Variants in WDR59 observed in about 807,000 individuals in gnomAD.
WDR59 encodes WD repeat domain 59, also known as GATOR2 complex protein WDR59.
A neutral mutation model predicts 131.2 loss-of-function variants in WDR59; 100 were observed. The ratio of observed to expected loss-of-function variants is 0.76; its 90% CI spans 0.65 to 0.90. The LOEUF is 0.90. Ranked by LOEUF, WDR59 falls within the 40% of genes least tolerant of loss-of-function variation. WDR59 has a pLI of 0.00. For synonymous variants in WDR59, 601 were observed against 466.2 expected (o/e 1.29, Z -3.72); for missense variants, 1,203 against 1,262.2 (o/e 0.95, Z 0.71).
chr16:74,945,891 C>G (rs1411445377), intron 6 of WDR59, among the ~76,000 whole-genome samples: 2 of 149,798 alleles, frequency 1.3e-5, no homozygotes, highest in Non-Finnish European at 1.5e-5. Context: ...TGATCTCGCT[C>G]ACCGCAACCT....
intron 17 of WDR59, among the ~76,000 whole-genome samples, chr16:74,906,361 T>A (rs892626459): frequency 3.8e-5 from 5 of 131,920 alleles, no homozygotes; most frequent in Non-Finnish European, 8.1e-5. Context: ...CACAACAGAA[T>A]GGCTAAAGTT....
rs530890503 is a variant in WDR59 at position 74,888,084 on chromosome 16, C to A, written c.2346+85G>T. The A allele has an allele frequency of 3.1e-4, 448 of 1,455,892 alleles. No individual in the cohort carries two copies. In the African/African-American group the frequency reaches 6.0e-3, roughly 20 times the overall value. The allele number at this position is 1,455,892 out of a possible 1,614,324, so 90.2% of individuals were successfully genotyped here. The stretch of plus-strand genomic sequence containing the variant: ...AGTGAGCTGAGATCATGCCATTGCA[C>A]TCCAGCCTGGGCAACAAAGTAAAAC... On this transcript the variant is annotated intron_variant, in intron 22 of 25. Transcript: ENST00000262144.
rs189201488 is a variant in WDR59 at position 74,912,953 on chromosome 16, T to C, written c.1225-591A>G. On this transcript the variant is annotated intron_variant, in intron 13 of 25. Coordinates refer to ENST00000262144, the MANE Select transcript of WDR59 (RefSeq NM_030581.4). ...TGCCCTGGGTGGGCCAGGTGTTCCT[T>C]GCCCTCATTCCGGTAAACCCACAGC... Among the ~76,000 whole-genome samples the C allele has an allele frequency of 2.1e-3, 324 of 152,278 alleles. 2 individuals carry two copies. The highest frequency in any genetic ancestry group is 7.5e-3 in the African/African-American group (312 of 41,552).
chr16:74,930,331 GCTACC>G (rs2031268941), intron 8 of WDR59, among the ~76,000 whole-genome samples: 1 of 152,002 alleles, frequency 6.6e-6, no homozygotes, highest in African/African-American at 2.4e-5. Context: ...ACACCTACTA[GCTACC>G]CATAAATTTC....
intron 2 of WDR59, among the ~76,000 whole-genome samples, chr16:74,963,734 G>A (rs532470239): frequency 6.6e-6 from 1 of 152,200 alleles, no homozygotes; most frequent in African/African-American, 2.4e-5. Flanking sequence ...CATGTATCCT[G>A]GAACTTAAAA....
chr16:74,950,208 G>A (rs2032915544), intron 4 of WDR59, among the ~76,000 whole-genome samples: 1 of 152,060 alleles, frequency 6.6e-6, no homozygotes. Flanking sequence ...CAGGCGTGGT[G>A]GCACACACCT....
chr16:74,966,305 C>A (rs2033773163), intron 1 of WDR59, among the ~76,000 whole-genome samples: 2 of 152,000 alleles, frequency 1.3e-5, no homozygotes, highest in East Asian at 3.9e-4. Context: ...CATGGTGAAA[C>A]CCCAACTCTA....
intron 9 of WDR59, among the ~76,000 whole-genome samples, chr16:74,923,421 T>C (rs978543854): frequency 2.0e-5 from 3 of 152,226 alleles, no homozygotes; most frequent in East Asian, 3.9e-4. Context: ...CTGTGGAGCT[T>C]TGATCAGCAA....
rs376411912 is a variant in WDR59, at chr16:74,979,564, G to T, written c.54+5400C>A. On this transcript the variant is annotated intron_variant, in intron 1 of 25. Transcript: ENST00000262144. ...GTGTTTTTTTTGTTTTTTTCAGATG[G>T]AGTCTCGCTCTTGTCACCCAGGCTG... Among the ~76,000 whole-genome samples, 10 of 151,728 alleles carry T rather than the reference G, an allele frequency of 6.6e-5. No individual in the cohort carries two copies. The East Asian group carries it at 2.0e-3, about 30-fold the overall frequency.
chr16:74,962,474 G>A (rs1460612365), intron 2 of WDR59, among the ~76,000 whole-genome samples: 1 of 152,122 alleles, frequency 6.6e-6, no homozygotes, highest in Non-Finnish European at 1.5e-5. Context: ...ACAGTGGTTT[G>A]TAGTTCTCCT....
At chr16:74,898,442 C>A (rs1027938773) in intron 18 of WDR59, among the ~76,000 whole-genome samples, 1 of 152,146 alleles carries the variant, frequency 6.6e-6, no homozygotes, top group African/African-American at 2.4e-5. Context: ...GGAAAAGAGA[C>A]AAAGCAAGAC....
At chr16:74,886,428 C>T (rs1278290574) in intron 23 of WDR59, 32 bp from the exon 24 acceptor site, 1 of 1,606,590 alleles carries the variant, frequency 6.2e-7, no homozygotes. Context: ...GGGAAGATGG[C>T]AATCAGAGAA....
chr16:74,905,496 A>G (rs1965760685), intron 17 of WDR59, among the ~76,000 whole-genome samples: 1 of 151,588 alleles, frequency 6.6e-6, no homozygotes, highest in Non-Finnish European at 1.5e-5. Context: ...CCTGGCTAAC[A>G]TGGTGAAACC....
intron 13 of WDR59, 58 bp from the exon 14 acceptor site, chr16:74,912,420 C>T (rs1275248715): frequency 2.6e-6 from 4 of 1,563,934 alleles, no homozygotes; most frequent in Non-Finnish European, 3.5e-6. Context: ...TCTTTCGATG[C>T]AAGCACATTT....
chr16:74,903,478 T>C (rs749632124), intron 18 of WDR59, among the ~76,000 whole-genome samples: 9 of 143,480 alleles, frequency 6.3e-5, no homozygotes, highest in Non-Finnish European at 9.1e-5. Flanking sequence ...GGTATTTCCA[T>C]GTAGACTTAG....
chr16:74,950,472 C>T (rs921557132), intron 4 of WDR59, among the ~76,000 whole-genome samples: 1 of 152,228 alleles, frequency 6.6e-6, no homozygotes, highest in African/African-American at 2.4e-5. Context: ...CCTTAAGCAG[C>T]GGCAAACTGC....
chr16:74,922,216 G>A (rs2030310748), intron 9 of WDR59, 113 bp from the exon 10 acceptor site: 1 of 1,362,450 alleles, frequency 7.3e-7, no homozygotes, highest in Admixed American at 2.3e-5. Context: ...GATAATGGAA[G>A]GCCCCAACTC....
chr16:74,937,554 T>G (rs576040071), intron 8 of WDR59, among the ~76,000 whole-genome samples: 8 of 152,102 alleles, frequency 5.3e-5, no homozygotes, highest in Non-Finnish European at 1.2e-4. Context: ...CAGGTTGGAG[T>G]GCAGTGGATC....
At chr16:74,909,939 G>T in intron 14 of WDR59, 22 bp from the exon 15 acceptor site, 3 of 1,515,812 alleles carry the variant, frequency 2.0e-6, no homozygotes, top group East Asian at 2.3e-5. Flanking sequence ...CCAAAACACA[G>T]TCAAGAAGAG....
Sources: allele counts gnomAD v4.1 joint callset (sites outside exome capture counted in the v4.1 genomes callset), GRCh38; gene constraint gnomAD v4.1.1; transcripts MANE v1.5; gene names NCBI Gene and HGNC (gene_info 2026-07-23, HGNC 2026-07-21).